LINGO2: variants seen among roughly 807,000 people sequenced by gnomAD.
LINGO2 encodes leucine rich repeat and Ig domain containing 2, also known as leucine-rich repeat and immunoglobulin-like domain-containing nogo receptor-interacting protein 2.
A neutral mutation model predicts 30.6 loss-of-function variants in LINGO2; 14 were observed. The observed-to-expected ratio is 0.46, with a 90% confidence interval of 0.30 to 0.72. The LOEUF is 0.72. Among genes scored for constraint, LINGO2 ranks in the 30% least tolerant of loss-of-function variants. The pLI, the probability that LINGO2 is intolerant of heterozygous loss-of-function variation, is 0.07. For missense variants in LINGO2, 729 were observed against 751.7 expected (o/e 0.97, Z 0.35); for synonymous variants, 317 against 288.5 (o/e 1.10, Z -1.00).
the LINGO2 span, among the ~76,000 whole-genome samples, chr9:28,768,895 A>G: frequency 1.3e-5 from 2 of 152,106 alleles, no homozygotes; most frequent in African/African-American, 4.8e-5. Flanking sequence ...CATATAATAT[A>G]TACACATAAT....
At chr9:28,725,734 C>T in the LINGO2 span, among the ~76,000 whole-genome samples, 1 of 151,858 alleles carries the variant, frequency 6.6e-6, no homozygotes, top group African/African-American at 2.4e-5. Flanking sequence ...AAGAAAAAAG[C>T]TCTTTAGTTT....
At chr9:28,966,998 T>A in the LINGO2 span, among the ~76,000 whole-genome samples, 1 of 152,090 alleles carries the variant, frequency 6.6e-6, no homozygotes, top group African/African-American at 2.4e-5. Context: ...TGATCATAAT[T>A]ACTCTTCAAG....
At chr9:28,212,968 TAC>T (rs1387712029) in intron 4 of LINGO2, among the ~76,000 whole-genome samples, 1 of 151,556 alleles carries the variant, frequency 6.6e-6, no homozygotes, top group African/African-American at 2.4e-5. Flanking sequence ...ACTGGATCCT[TAC>T]ACACACATAC....
At chr9:28,380,832 G>C (rs1246058917) in intron 2 of LINGO2, among the ~76,000 whole-genome samples, 1 of 152,052 alleles carries the variant, frequency 6.6e-6, no homozygotes, top group Non-Finnish European at 1.5e-5. Flanking sequence ...ACTAAGAATT[G>C]GATGGGAAGA....
intron 1 of LINGO2, among the ~76,000 whole-genome samples, chr9:28,591,228 C>T (rs1824891842): frequency 6.6e-6 from 1 of 151,886 alleles, no homozygotes; most frequent in Non-Finnish European, 1.5e-5. Flanking sequence ...TTAATGGGTG[C>T]AGCACACCAA....
At chr9:28,646,812 T>C (rs1458896312) in intron 1 of LINGO2, among the ~76,000 whole-genome samples, 2 of 152,106 alleles carry the variant, frequency 1.3e-5, no homozygotes, top group African/African-American at 4.8e-5. Context: ...CAGGATAATA[T>C]AGTTTGTTCT....
intron 4 of LINGO2, among the ~76,000 whole-genome samples, chr9:28,260,987 G>A (rs753317232): frequency 1.3e-5 from 2 of 151,862 alleles, no homozygotes; most frequent in African/African-American, 2.4e-5. Flanking sequence ...AAGATTTAAT[G>A]TACCCGTATA....
At chr9:29,156,308 G>T in the LINGO2 span, among the ~76,000 whole-genome samples, 1 of 152,064 alleles carries the variant, frequency 6.6e-6, no homozygotes, top group Non-Finnish European at 1.5e-5. Flanking sequence ...AAGTGAAAAT[G>T]TATCTGGCTT....
At chr9:29,060,675 T>A in the LINGO2 span, among the ~76,000 whole-genome samples, 14 of 151,562 alleles carry the variant, frequency 9.2e-5, no homozygotes, top group Admixed American at 7.2e-4. Flanking sequence ...CATAGGAAAA[T>A]ACAGTTTTTA....
intron 5 of LINGO2, among the ~76,000 whole-genome samples, chr9:27,985,137 G>C (rs1821064305): frequency 6.6e-6 from 1 of 151,850 alleles, no homozygotes; most frequent in Admixed American, 6.6e-5. Context: ...TTTTCTGAAT[G>C]AGGAAAGAAG....
At chr9:28,276,162 C>T (rs1478300414) in intron 4 of LINGO2, among the ~76,000 whole-genome samples, 2 of 152,066 alleles carry the variant, frequency 1.3e-5, no homozygotes, top group East Asian at 1.9e-4. Flanking sequence ...GAGCCTTGTA[C>T]GTTTTGATTT....
At chr9:28,979,555 C>T in the LINGO2 span, among the ~76,000 whole-genome samples, 2 of 151,978 alleles carry the variant, frequency 1.3e-5, no homozygotes, top group Non-Finnish European at 2.9e-5. Flanking sequence ...ATACTCAAGG[C>T]CCCGTATATT....
At chr9:29,205,300 A>G in the LINGO2 span, among the ~76,000 whole-genome samples, 1 of 152,074 alleles carries the variant, frequency 6.6e-6, no homozygotes, top group Non-Finnish European at 1.5e-5. Flanking sequence ...CGGCCTCCCA[A>G]AGTGCTGGGA....
At chr9:28,298,985 G>T (rs1227797407) in intron 3 of LINGO2, among the ~76,000 whole-genome samples, 2 of 152,200 alleles carry the variant, frequency 1.3e-5, no homozygotes, top group African/African-American at 4.8e-5. Flanking sequence ...CTTTCCTTAT[G>T]CACAACACTA....
chr9:28,695,150 T>A, the LINGO2 span, among the ~76,000 whole-genome samples: 2 of 151,946 alleles, frequency 1.3e-5, no homozygotes, highest in African/African-American at 4.8e-5. Flanking sequence ...ACAAAGTTTT[T>A]CATAACTGGC....
At chr9:29,072,612 G>GATATATAT in the LINGO2 span, among the ~76,000 whole-genome samples, 1 of 135,700 alleles carries the variant, frequency 7.4e-6, no homozygotes, top group Non-Finnish European at 1.6e-5. Flanking sequence ...GTCTCTCTTT[G>GATATATAT]ATATATATAT....
At chr9:28,639,796 A>G (rs1215714611) in intron 1 of LINGO2, among the ~76,000 whole-genome samples, 1 of 152,076 alleles carries the variant, frequency 6.6e-6, no homozygotes, top group Non-Finnish European at 1.5e-5. Context: ...TGTGTCTTTT[A>G]ATTGGAGCAT....
At chr9:28,961,382 C>T in the LINGO2 span, among the ~76,000 whole-genome samples, 1 of 152,026 alleles carries the variant, frequency 6.6e-6, no homozygotes, top group Non-Finnish European at 1.5e-5. Flanking sequence ...GATTTCATAG[C>T]CAGGGAATAA....
the LINGO2 span, among the ~76,000 whole-genome samples, chr9:28,911,424 T>C: frequency 6.6e-6 from 1 of 152,004 alleles, no homozygotes; most frequent in African/African-American, 2.4e-5. Flanking sequence ...TATAAAAAAT[T>C]TTCTATAATC....
Sources: allele counts gnomAD v4.1 joint callset (sites outside exome capture counted in the v4.1 genomes callset), GRCh38; gene constraint gnomAD v4.1.1; transcripts MANE v1.5; gene names NCBI Gene and HGNC (gene_info 2026-07-23, HGNC 2026-07-21).